The following IGF2BP2 variants were observed in gnomAD, a reference collection of about 807,000 sequenced individuals.
IGF2BP2 encodes the protein insulin-like growth factor 2 mRNA-binding protein 2.
Under a neutral mutation model 75.8 loss-of-function variants are expected in IGF2BP2, and 17 were observed. That is an observed-to-expected ratio of 0.22 (90% CI 0.15 to 0.34). IGF2BP2 has a LOEUF of 0.34. Ranked by LOEUF, IGF2BP2 falls within the 10% of genes least tolerant of loss-of-function variation. The pLI, the probability that IGF2BP2 is intolerant of heterozygous loss-of-function variation, is 1.00. For missense variants in IGF2BP2, 516 were observed against 772.4 expected, an observed-to-expected ratio of 0.67 and a Z score of 3.93; for synonymous variants, 288 against 295.6, an observed-to-expected ratio of 0.97 and a Z score of 0.26.
chr3:185,740,064 T>C (rs1729351384), intron 2 of IGF2BP2, among the ~76,000 whole-genome samples: 1 of 151,782 alleles, frequency 6.6e-6, no homozygotes, highest in Admixed American at 6.6e-5. Flanking sequence ...GCCAGGCTAG[T>C]CTCTAACTCC....
intron 2 of IGF2BP2, among the ~76,000 whole-genome samples, chr3:185,767,096 A>G (rs1335240715): frequency 1.3e-5 from 2 of 152,118 alleles, no homozygotes; most frequent in African/African-American, 4.8e-5. Flanking sequence ...GTGGCTTCCC[A>G]ATCTGGCAGA....
In IGF2BP2 at chr3:185,746,651, T is replaced by A. The variant is rs73885766; in HGVS notation, c.240-48304A>T. Among the ~76,000 whole-genome samples, 826 of 152,308 alleles carry A rather than the reference T, an allele frequency of 5.4e-3. 7 individuals are homozygous for A. Among genetic ancestry groups the A allele is most frequent in the African/African-American group, 0.019 (779 of 41,560 alleles). ...GTACCTTTATGAGGAAGATTATATA[T>A]GAGGGCGGAGCAAAAGTGGGGACAA... On this transcript the variant is annotated intron_variant, in intron 2 of 15. Coordinates refer to ENST00000382199, the MANE Select transcript of IGF2BP2 (RefSeq NM_006548.6).
intron 2 of IGF2BP2, among the ~76,000 whole-genome samples, chr3:185,781,957 G>C (rs905297723): frequency 1.3e-5 from 2 of 152,054 alleles, no homozygotes; most frequent in African/African-American, 4.8e-5. Flanking sequence ...TTAGCTACTT[G>C]AAATATTTTT....
At chr3:185,745,322 G>T (rs911657485) in intron 2 of IGF2BP2, among the ~76,000 whole-genome samples, 1 of 152,228 alleles carries the variant, frequency 6.6e-6, no homozygotes, top group East Asian at 1.9e-4. Context: ...AGTGCTGTCC[G>T]TGTGAGGTAT....
intron 2 of IGF2BP2, among the ~76,000 whole-genome samples, chr3:185,815,626 T>TC (rs895395638): frequency 6.6e-6 from 1 of 152,042 alleles, no homozygotes; most frequent in Non-Finnish European, 1.5e-5. Context: ...TCTCTTCCTC[T>TC]CCCCCATCTC....
intron 2 of IGF2BP2, among the ~76,000 whole-genome samples, chr3:185,761,577 T>C (rs982153106): frequency 6.6e-6 from 1 of 152,152 alleles, no homozygotes; most frequent in Non-Finnish European, 1.5e-5. Flanking sequence ...AAGAAAAATA[T>C]CCTGTAAGGA....
intron 2 of IGF2BP2, chr3:185,820,867 T>C: frequency 1.5e-6 from 1 of 655,588 alleles, no homozygotes; most frequent in Non-Finnish European, 2.4e-6. Context: ...CATTTTCATT[T>C]CAACTAACAC....
At chr3:185,781,747 A>T (rs1340781652) in intron 2 of IGF2BP2, among the ~76,000 whole-genome samples, 1 of 152,050 alleles carries the variant, frequency 6.6e-6, no homozygotes, top group Non-Finnish European at 1.5e-5. Context: ...TTGCTTTAAC[A>T]TTGTTCCCAA....
chr3:185,723,812 T>C (rs1726924664), intron 2 of IGF2BP2, among the ~76,000 whole-genome samples: 1 of 152,128 alleles, frequency 6.6e-6, no homozygotes, highest in Admixed American at 6.5e-5. Context: ...GGAAAGGCTA[T>C]ACCTAGCCTT....
Position 185,698,285 on chromosome 3 carries a change from T to C in IGF2BP2, c.288+14A>G, listed in dbSNP as rs1722839756. The stretch of plus-strand genomic sequence containing the variant: ...AATGTCTCATCAACCCATTAAAAAT[T>C]GACACTGGCTTACCTCCCACTGCAG... On this transcript the variant is annotated intron_variant, in intron 3 of 15. Coordinates refer to ENST00000382199, the MANE Select transcript of IGF2BP2 (RefSeq NM_006548.6). 6.2e-7 allele frequency: 1 copy of C among 1,611,500 alleles called. No individual in the cohort carries two copies. The highest frequency in any genetic ancestry group is 1.1e-5 in the South Asian group (1 of 90,972).
chr3:185,665,280 G>T, intron 10 of IGF2BP2, among the ~76,000 whole-genome samples: 1 of 136,898 alleles, frequency 7.3e-6, no homozygotes, highest in Non-Finnish European at 1.6e-5. Flanking sequence ...AGGAGAAGGA[G>T]AAGAAGAAGA....
chr3:185,658,496 C>T (rs1337950041), intron 10 of IGF2BP2, 87 bp from the exon 11 acceptor site: 9 of 1,113,192 alleles, frequency 8.1e-6, no homozygotes, highest in African/African-American at 1.5e-5. Context: ...ACATGCGACA[C>T]AGGCTCTCTG....
intron 2 of IGF2BP2, among the ~76,000 whole-genome samples, chr3:185,816,907 C>G (rs963298283): frequency 5.9e-5 from 9 of 152,140 alleles, no homozygotes; most frequent in African/African-American, 2.2e-4. Context: ...AAAATTCAAG[C>G]TTCCCACTAC....
intron 13 of IGF2BP2, among the ~76,000 whole-genome samples, chr3:185,651,765 A>C (rs1018096358): frequency 2.6e-5 from 4 of 152,176 alleles, no homozygotes; most frequent in Non-Finnish European, 5.9e-5. Context: ...AGTCCTCCAT[A>C]GCTTGAAGGG....
At chr3:185,764,028 C>A (rs763884533) in intron 2 of IGF2BP2, among the ~76,000 whole-genome samples, 17 of 152,008 alleles carry the variant, frequency 1.1e-4, no homozygotes, top group Non-Finnish European at 1.8e-4. Context: ...GCAGTATTGC[C>A]AAAACCTTGA....
At chr3:185,670,680 T>C (rs1365994213) in intron 10 of IGF2BP2, among the ~76,000 whole-genome samples, 3 of 152,050 alleles carry the variant, frequency 2.0e-5, no homozygotes, top group Non-Finnish European at 2.9e-5. Context: ...GTGATTCTCC[T>C]TGCCTCAGCC....
intron 2 of IGF2BP2, among the ~76,000 whole-genome samples, chr3:185,757,354 G>GAAA (rs879743193): frequency 6.6e-6 from 1 of 151,228 alleles, no homozygotes; most frequent in South Asian, 2.1e-4. Flanking sequence ...AGAAAATGGT[G>GAAA]AAAAAAACTC....
chr3:185,652,305 GC>G, intron 12 of IGF2BP2, 137 bp from the exon 13 acceptor site: 1 of 696,276 alleles, frequency 1.4e-6, no homozygotes, highest in Non-Finnish European at 2.4e-6. Flanking sequence ...TCTGTCTGAT[GC>G]CATGCTGCCT....
chr3:185,682,345 T>C (rs910196488), intron 7 of IGF2BP2, among the ~76,000 whole-genome samples: 1 of 152,182 alleles, frequency 6.6e-6, no homozygotes, highest in Non-Finnish European at 1.5e-5. Flanking sequence ...GGTTGAGGGA[T>C]AGTTTGGACC....
Sources: allele counts gnomAD v4.1 joint callset (sites outside exome capture counted in the v4.1 genomes callset), GRCh38; gene constraint gnomAD v4.1.1; transcripts MANE v1.5; gene names NCBI Gene and HGNC (gene_info 2026-07-23, HGNC 2026-07-21).